Variants in PDE4B observed in about 807,000 individuals in gnomAD.
PDE4B encodes the protein 3',5'-cyclic-AMP phosphodiesterase 4B.
Under a neutral mutation model 82.2 loss-of-function variants are expected in PDE4B, and 20 were observed. The ratio of observed to expected loss-of-function variants is 0.24; its 90% CI spans 0.17 to 0.35. PDE4B has a LOEUF of 0.35. Among genes scored for constraint, PDE4B ranks in the 10% least tolerant of loss-of-function variants. The pLI is 1.00. For missense variants in PDE4B, 655 were observed against 907.2 expected (o/e 0.72, Z 3.57); for synonymous variants, 320 against 318.9 (o/e 1.00, Z -0.04).
At chr1:66,022,707 G>C (rs182361738) in intron 3 of PDE4B, among the ~76,000 whole-genome samples, 1 of 152,188 alleles carries the variant, frequency 6.6e-6, no homozygotes, top group African/African-American at 2.4e-5. Flanking sequence ...GATTCGGTTT[G>C]CCAGTATTTT....
intron 1 of PDE4B, among the ~76,000 whole-genome samples, chr1:65,857,417 C>G (rs143264158): frequency 4.6e-5 from 7 of 152,300 alleles, no homozygotes; most frequent in Admixed American, 4.6e-4. Context: ...CATTACTCTT[C>G]TCTTTACTTT....
intron 7 of PDE4B, among the ~76,000 whole-genome samples, chr1:66,291,529 A>G (rs1053909967): frequency 3.9e-5 from 6 of 152,192 alleles, no homozygotes; most frequent in Admixed American, 3.9e-4. Flanking sequence ...TGTTCTCAAA[A>G]TGAGACACTA....
At position 65,828,560 on chromosome 1, in the gene PDE4B, C is replaced by A. The variant is rs188845858; in HGVS notation, c.-71+35312C>A. On this transcript the variant is annotated intron_variant, in intron 1 of 16. Transcript: ENST00000341517. ...TGCACCTGGTCTCCTTATTTTTATT[C>A]CTCTAAAGGATAGCTGACTGTTTAA... Among the ~76,000 whole-genome samples the A allele has an allele frequency of 6.1e-4, 93 of 152,062 alleles. 1 individual carries two copies. In the South Asian group the frequency reaches 0.014, roughly 23 times the overall value.
chr1:65,949,219 A>AT (rs1392086225), intron 3 of PDE4B, among the ~76,000 whole-genome samples: 1 of 152,032 alleles, frequency 6.6e-6, no homozygotes, highest in East Asian at 1.9e-4. Context: ...TTCTGACCTT[A>AT]TTGCCTTGGG....
At chr1:65,798,650 G>A (rs1041405920) in intron 1 of PDE4B, among the ~76,000 whole-genome samples, 58 of 152,106 alleles carry the variant, frequency 3.8e-4, no homozygotes, top group Non-Finnish European at 8.8e-5. Context: ...CACTGCACCC[G>A]GCTTTTTAAA....
intron 7 of PDE4B, chr1:66,331,975 T>C: frequency 9.8e-7 from 1 of 1,016,502 alleles, no homozygotes; most frequent in Non-Finnish European, 1.2e-6. Flanking sequence ...TCAGGATGAA[T>C]GACTGCCTAG....
intron 3 of PDE4B, among the ~76,000 whole-genome samples, chr1:65,958,306 T>G (rs990286758): frequency 6.6e-6 from 1 of 152,102 alleles, no homozygotes; most frequent in Non-Finnish European, 1.5e-5. Context: ...GCCTTTTCCT[T>G]CCTAAAATAA....
intron 3 of PDE4B, among the ~76,000 whole-genome samples, chr1:66,237,993 GC>G (rs903187050): frequency 1.3e-5 from 2 of 152,078 alleles, no homozygotes; most frequent in African/African-American, 2.4e-5. Context: ...ATAGCAAAAA[GC>G]TTTAATAGGT....
At chr1:65,837,605 C>T (rs1018031881) in intron 1 of PDE4B, among the ~76,000 whole-genome samples, 2 of 152,180 alleles carry the variant, frequency 1.3e-5, no homozygotes, top group African/African-American at 2.4e-5. Flanking sequence ...AAGACTCCAT[C>T]TCAAAAACAA....
chr1:66,272,278 G>A lies in PDE4B; in HGVS notation c.634+6191G>A, dbSNP rs147068164. ...GCCAGAGATTCGCCTCACACATCTG[G>A]ACTCTTCCACCTCCAGGATCGAAGT... On this transcript the variant is annotated intron_variant, in intron 7 of 16. Coordinates refer to ENST00000341517, the MANE Select transcript of PDE4B (RefSeq NM_002600.4). 5.2e-3 allele frequency among the ~76,000 whole-genome samples: 788 copies of A among 152,280 alleles called. 6 individuals are homozygous for A. Among genetic ancestry groups the A allele is most frequent in the African/African-American group, 0.018 (746 of 41,550 alleles).
At position 66,367,828 on chromosome 1, in the gene PDE4B, T is replaced by A; in HGVS notation, c.1517T>A (p.Leu506His). 1 of 1,613,694 alleles carries A rather than the reference T, an allele frequency of 6.2e-7. No homozygotes were observed. ...CTCACCAAGAAGCAGCGTCAGACAC[T>A]CAGGAAGATGGTTATTGACATGGTA... Reference protein sequence around the residue: ...MNLTKKQRQTLRKMVIDMVLA... With the variant: ...MNLTKKQRQTHRKMVIDMVLA... Residue 506 changes from leucine to histidine, a missense_variant, in exon 14 of 17, where the codon CTC becomes CAC. Around this residue, in one of 3 missense-constraint regions of PDE4B, gnomAD observed 283 missense variants for 516.4 expected, o/e 0.55. Transcript: ENST00000341517.
chr1:65,913,166 GTTAAT>G, intron 1 of PDE4B, 74 bp from the exon 2 acceptor site: 1 of 596,474 alleles, frequency 1.7e-6, no homozygotes, highest in Admixed American at 3.1e-5. Flanking sequence ...TATTTCAAAT[GTTAAT>G]TTAGAGAGTA....
At chr1:65,859,100 G>A (rs1203505750) in intron 1 of PDE4B, among the ~76,000 whole-genome samples, 2 of 152,028 alleles carry the variant, frequency 1.3e-5, no homozygotes. Context: ...TGCTAGAAGT[G>A]CCTAGCATTT....
intron 3 of PDE4B, among the ~76,000 whole-genome samples, chr1:66,233,707 TG>T (rs1652174623): frequency 1.3e-5 from 2 of 152,160 alleles, no homozygotes; most frequent in African/African-American, 4.8e-5. Context: ...TGTGTGTGTG[TG>T]TGTGTATAAA....
At chr1:66,227,895 G>A (rs917151672) in intron 3 of PDE4B, among the ~76,000 whole-genome samples, 4 of 152,092 alleles carry the variant, frequency 2.6e-5, no homozygotes. Flanking sequence ...AGGACATCTC[G>A]GGCCTTTTGA....
chr1:66,217,742 AATT>A (rs1387630651), intron 3 of PDE4B, among the ~76,000 whole-genome samples: 1 of 152,212 alleles, frequency 6.6e-6, no homozygotes, highest in Admixed American at 6.5e-5. Context: ...TCTGTTGCGC[AATT>A]ATTATTTATT....
At chr1:66,086,673 A>C (rs1189594478) in intron 3 of PDE4B, among the ~76,000 whole-genome samples, 2 of 152,144 alleles carry the variant, frequency 1.3e-5, no homozygotes, top group East Asian at 1.9e-4. Context: ...ACCTTAACCC[A>C]ATGTTGATTT....
intron 8 of PDE4B, chr1:66,355,203 G>A (rs1394229359): frequency 5.6e-6 from 2 of 355,430 alleles, no homozygotes; most frequent in Non-Finnish European, 1.0e-5. Context: ...TATTTTAGAG[G>A]TAATTTCAGA....
intron 1 of PDE4B, among the ~76,000 whole-genome samples, chr1:65,814,448 G>T (rs186980344): frequency 1.3e-3 from 202 of 152,110 alleles, no homozygotes; most frequent in Middle Eastern, 6.8e-3. Flanking sequence ...TTTTTTAAAA[G>T]AAACTTTATT....
Sources: gnomAD v4.1 joint callset for allele counts (sites outside exome capture counted in the v4.1 genomes callset) on GRCh38, gnomAD v4.1.1 for gene constraint, gnomAD v4.1.1 regional missense constraint, MANE v1.5 for transcripts, NCBI Gene and HGNC (gene_info 2026-07-23, HGNC 2026-07-21) for gene names.